MSI2: variants seen among roughly 807,000 people sequenced by gnomAD.
The protein encoded by MSI2 is musashi RNA binding protein 2.
MSI2 carries 17 observed loss-of-function variants against 45.6 expected under a neutral mutation model. The ratio of observed to expected loss-of-function variants is 0.37; its 90% CI spans 0.26 to 0.56. MSI2 has a LOEUF of 0.56. Ranked by LOEUF, MSI2 falls within the 20% of genes least tolerant of loss-of-function variation. MSI2 has a pLI of 0.77. For missense variants in MSI2, 293 were observed against 444.2 expected, an observed-to-expected ratio of 0.66 and a Z score of 3.06; for synonymous variants, 156 against 158.2, an observed-to-expected ratio of 0.99 and a Z score of 0.11.
chr17:57,514,467 T>C (rs1344936650), intron 6 of MSI2, among the ~76,000 whole-genome samples: 1 of 152,196 alleles, frequency 6.6e-6, no homozygotes, highest in East Asian at 1.9e-4. Context: ...TATGTTAGAT[T>C]GCAGTGCATT....
At chr17:57,331,737 CA>C in intron 5 of MSI2, among the ~76,000 whole-genome samples, 1 of 152,142 alleles carries the variant, frequency 6.6e-6, no homozygotes. Flanking sequence ...GGGTCTGTCT[CA>C]GAACAGTGAA....
At chr17:57,413,609 T>A (rs1350391717) in intron 6 of MSI2, among the ~76,000 whole-genome samples, 1 of 152,034 alleles carries the variant, frequency 6.6e-6, no homozygotes. Context: ...CTAATCTGTT[T>A]ATTGCATTTA....
At chr17:57,462,329 G>A (rs1267340638) in intron 6 of MSI2, among the ~76,000 whole-genome samples, 1 of 152,178 alleles carries the variant, frequency 6.6e-6, no homozygotes, top group Non-Finnish European at 1.5e-5. Context: ...ACCTTACTGT[G>A]TGGGTCCCAG....
chr17:57,663,017 G>A lies in MSI2; in HGVS notation c.790+10856G>A, dbSNP rs182327046. Among the ~76,000 whole-genome samples the A allele has an allele frequency of 2.6e-5, 4 of 152,322 alleles. No individual in the cohort carries two copies. The East Asian group carries it at 7.7e-4, about 29-fold the overall frequency. On this transcript the variant is annotated intron_variant, in intron 11 of 13. Coordinates refer to ENST00000284073, the MANE Select transcript of MSI2 (RefSeq NM_138962.4). Reference sequence around the variant, plus strand: ...GATGGAGCACGGGCGGGCTTCTCTGGGAAGACAGACGTCCTCTGTAGGGAT... The same window carrying A: ...GATGGAGCACGGGCGGGCTTCTCTGAGAAGACAGACGTCCTCTGTAGGGAT...
intron 6 of MSI2, among the ~76,000 whole-genome samples, chr17:57,511,654 C>T (rs1482723769): frequency 1.3e-5 from 2 of 152,266 alleles, no homozygotes; most frequent in South Asian, 2.1e-4. Flanking sequence ...GCTGTGTCAC[C>T]GTGCACAGCA....
Position 57,682,420 on chromosome 17 carries a change from G to T in MSI2, c.*2903G>T, listed in dbSNP as rs899889362. ...TTAATTTATTTTTTAAAAGAGGGAG[G>T]CATGGTATATTAAAATGATTTTACT... On this transcript the variant is annotated 3_prime_UTR_variant, in exon 14 of 14. Coordinates refer to ENST00000284073, the MANE Select transcript of MSI2 (RefSeq NM_138962.4). 2 of 178,858 alleles carry T rather than the reference G, an allele frequency of 1.1e-5. No individual in the cohort carries two copies. The highest frequency in any genetic ancestry group is 4.8e-5 in the African/African-American group (2 of 41,748). The allele number at this position is 178,858 out of a possible 1,614,324, so 11.1% of individuals were successfully genotyped here.
chr17:57,364,738 A>G (rs1437177134), intron 5 of MSI2, among the ~76,000 whole-genome samples: 1 of 152,092 alleles, frequency 6.6e-6, no homozygotes, highest in Non-Finnish European at 1.5e-5. Flanking sequence ...TTAGTGGGAA[A>G]GACCTCCAGC....
intron 6 of MSI2, among the ~76,000 whole-genome samples, chr17:57,480,265 G>A (rs1201584066): frequency 2.0e-5 from 3 of 152,146 alleles, no homozygotes; most frequent in Non-Finnish European, 2.9e-5. Context: ...GCCCAGCCAC[G>A]AAGGCTCTTT....
chr17:57,322,613 C>G (rs1437901412), intron 5 of MSI2, among the ~76,000 whole-genome samples: 4 of 152,162 alleles, frequency 2.6e-5, no homozygotes, highest in Non-Finnish European at 5.9e-5. Context: ...CCACGTACCA[C>G]TCACTCAAAC....
chr17:57,599,970 A>C (rs762506444), intron 8 of MSI2, among the ~76,000 whole-genome samples: 5 of 152,206 alleles, frequency 3.3e-5, no homozygotes, highest in Non-Finnish European at 7.3e-5. Flanking sequence ...ACGAGTTGTC[A>C]TTGAGAGAGA....
chr17:57,494,487 G>T (rs1745771663), intron 6 of MSI2, among the ~76,000 whole-genome samples: 1 of 152,072 alleles, frequency 6.6e-6, no homozygotes, highest in Non-Finnish European at 1.5e-5. Context: ...TATTGTGGGG[G>T]TAATAAGACC....
chr17:57,344,344 A>G (rs1915415217), intron 5 of MSI2, among the ~76,000 whole-genome samples: 1 of 152,208 alleles, frequency 6.6e-6, no homozygotes, highest in South Asian at 2.1e-4. Flanking sequence ...TGGTGCTCAA[A>G]TTGGCCCACA....
At chr17:57,461,324 C>T (rs76954717) in intron 6 of MSI2, among the ~76,000 whole-genome samples, 5,467 of 152,176 alleles carry the variant, frequency 0.036, 327 homozygotes, top group African/African-American at 0.12. Flanking sequence ...ACCCAAGTCT[C>T]ACAGGTTCAA....
intron 6 of MSI2, among the ~76,000 whole-genome samples, chr17:57,503,355 A>T (rs1254878995): frequency 1.3e-5 from 2 of 152,242 alleles, no homozygotes; most frequent in African/African-American, 2.4e-5. Flanking sequence ...CATTACACAC[A>T]CATATACGTT....
At chr17:57,678,029 A>T (rs1913356095) in intron 13 of MSI2, among the ~76,000 whole-genome samples, 3 of 152,348 alleles carry the variant, frequency 2.0e-5, no homozygotes, top group Middle Eastern at 6.8e-3. Flanking sequence ...GGAAAATCCC[A>T]CAGAGGCACC....
intron 5 of MSI2, among the ~76,000 whole-genome samples, chr17:57,339,541 A>T (rs1328326376): frequency 6.6e-6 from 1 of 151,964 alleles, no homozygotes; most frequent in Non-Finnish European, 1.5e-5. Flanking sequence ...GTCGTGGATG[A>T]TGGTCTGTGT....
At chr17:57,257,635 G>T in intron 3 of MSI2, 88 bp downstream of exon 3, 4 of 950,934 alleles carry the variant, frequency 4.2e-6, no homozygotes, top group Non-Finnish European at 6.6e-6. Context: ...TAGCTAAGCG[G>T]ATTAGAATGG....
At chr17:57,281,648 G>A (rs1441294679) in intron 5 of MSI2, among the ~76,000 whole-genome samples, 2 of 152,110 alleles carry the variant, frequency 1.3e-5, no homozygotes, top group South Asian at 2.1e-4. Context: ...AATATACTGC[G>A]TTTCAGTTTT....
At chr17:57,472,324 G>A (rs2085453592) in intron 6 of MSI2, among the ~76,000 whole-genome samples, 1 of 152,144 alleles carries the variant, frequency 6.6e-6, no homozygotes, top group Non-Finnish European at 1.5e-5. Flanking sequence ...CAGGGGGCAG[G>A]GCGAGCTCAG....
Sources: allele counts gnomAD v4.1 joint callset (sites outside exome capture counted in the v4.1 genomes callset), GRCh38; gene constraint gnomAD v4.1.1; transcripts MANE v1.5; gene names NCBI Gene and HGNC (gene_info 2026-07-23, HGNC 2026-07-21).